Variants in ZSCAN4 observed in about 807,000 individuals in gnomAD.
ZSCAN4 encodes zinc finger and SCAN domain containing 4.
A neutral mutation model predicts 18.3 loss-of-function variants in ZSCAN4; 18 were observed. The ratio of observed to expected loss-of-function variants is 0.98; its 90% CI spans 0.68 to 1.46. The LOEUF (loss-of-function observed/expected upper bound fraction) is 1.46, where lower values mean the gene tolerates loss of function less well. ZSCAN4 is among the 40% of genes most tolerant of loss of function. ZSCAN4 has a pLI of 0.00. For missense variants in ZSCAN4, 498 were observed against 511.4 expected (o/e 0.97, Z 0.25); for synonymous variants, 193 against 180.3 (o/e 1.07, Z -0.57).
At chr19:57,656,460 C>T in the ZSCAN4 span, among the ~76,000 whole-genome samples, 2 of 152,228 alleles carry the variant, frequency 1.3e-5, no homozygotes, top group African/African-American at 4.8e-5. Context: ...CCACATACCC[C>T]AGTTTTTAAA....
the ZSCAN4 span, among the ~76,000 whole-genome samples, chr19:57,658,217 A>T: frequency 6.6e-6 from 1 of 152,222 alleles, no homozygotes; most frequent in Admixed American, 6.5e-5. Context: ...AAGTGAAGGA[A>T]CCAAACTCAG....
intron 2 of ZSCAN4, among the ~76,000 whole-genome samples, chr19:57,671,906 C>T (rs1486717027): frequency 2.0e-5 from 3 of 152,076 alleles, no homozygotes; most frequent in Non-Finnish European, 4.4e-5. Context: ...TTTGTGTGTC[C>T]ACGTATTACT....
At chr19:57,656,088 C>T in the ZSCAN4 span, among the ~76,000 whole-genome samples, 1 of 152,128 alleles carries the variant, frequency 6.6e-6, no homozygotes, top group Non-Finnish European at 1.5e-5. Flanking sequence ...AAGAGCTTTT[C>T]TTAGTACCAA....
At chr19:57,667,616 G>A (rs1381068396), upstream of ZSCAN4, among the ~76,000 whole-genome samples, 2 of 152,196 alleles carry the variant, frequency 1.3e-5, 1 homozygote, top group Non-Finnish European at 2.9e-5. Context: ...TACTCTTACT[G>A]ATATCATCGT....
At chr19:57,671,606 C>T (rs754050507) in intron 2 of ZSCAN4, among the ~76,000 whole-genome samples, 1 of 152,034 alleles carries the variant, frequency 6.6e-6, no homozygotes, top group African/African-American at 2.4e-5. Flanking sequence ...AGGAAAGCCT[C>T]GTAGGACAAG....
At chr19:57,654,168 A>G in the ZSCAN4 span, among the ~76,000 whole-genome samples, 1 of 152,138 alleles carries the variant, frequency 6.6e-6, no homozygotes. Context: ...CTGGCCCCCT[A>G]TTATGTAACC....
At chr19:57,674,878 T>G (rs992737464) in intron 2 of ZSCAN4, among the ~76,000 whole-genome samples, 9 of 152,044 alleles carry the variant, frequency 5.9e-5, no homozygotes, top group Admixed American at 5.9e-4. Context: ...CAATGTTTCA[T>G]AGAGATGATA....
At chr19:57,653,223 G>A in the ZSCAN4 span, among the ~76,000 whole-genome samples, 1 of 151,924 alleles carries the variant, frequency 6.6e-6, no homozygotes, top group African/African-American at 2.4e-5. Context: ...GTGAAACCCT[G>A]CCTCTACTAA....
At chr19:57,661,972 T>C in the ZSCAN4 span, among the ~76,000 whole-genome samples, 1 of 151,468 alleles carries the variant, frequency 6.6e-6, no homozygotes, top group South Asian at 2.1e-4. Context: ...TCCCAGCTAC[T>C]CAGGAGGCTG....
the ZSCAN4 span, among the ~76,000 whole-genome samples, chr19:57,651,733 A>G: frequency 1.3e-5 from 2 of 152,176 alleles, no homozygotes; most frequent in Non-Finnish European, 2.9e-5. Flanking sequence ...AGCTCATCCC[A>G]GGTGAATTCC....
At chr19:57,655,542 G>C in the ZSCAN4 span, among the ~76,000 whole-genome samples, 13 of 152,098 alleles carry the variant, frequency 8.5e-5, no homozygotes, top group African/African-American at 3.1e-4. Flanking sequence ...GCTGGCCTCA[G>C]AAGCTCAAAA....
At chr19:57,662,080 CA>C in the ZSCAN4 span, among the ~76,000 whole-genome samples, 22 of 139,418 alleles carry the variant, frequency 1.6e-4, no homozygotes, top group Admixed American at 2.2e-4. Context: ...GACTCTGTCT[CA>C]AAAAAAAAAA....
upstream of ZSCAN4, among the ~76,000 whole-genome samples, chr19:57,667,347 T>A (rs1370731849): frequency 6.6e-6 from 1 of 152,156 alleles, no homozygotes; most frequent in Non-Finnish European, 1.5e-5. Flanking sequence ...GTCTTTGCCT[T>A]CTTAATGTAG....
chr19:57,676,279 T>C lies in ZSCAN4; in HGVS notation c.134T>C (p.Met45Thr). ...GAAGGGATTTCTGAGTTCTCAAGAA[T>C]GGTGCTCAATTCATTTCAAGACAGC... Residue 45 changes from methionine to threonine, a missense_variant, in exon 3 of 5, where the codon ATG becomes ACG. By Grantham distance (81) the Met-to-Thr change is moderately conservative. Transcript: ENST00000318203. The C allele has an allele frequency of 1.2e-6, 2 of 1,614,170 alleles. No homozygotes were observed. Among genetic ancestry groups the C allele is most frequent in the Non-Finnish European group, 1.7e-6 (2 of 1,180,024 alleles).
At chr19:57,660,031 AG>A in the ZSCAN4 span, among the ~76,000 whole-genome samples, 11 of 152,328 alleles carry the variant, frequency 7.2e-5, no homozygotes, top group African/African-American at 2.6e-4. Context: ...CCCAGCAAAA[AG>A]GTGAGATCAG....
At chr19:57,672,603 T>C (rs1411195712) in intron 2 of ZSCAN4, among the ~76,000 whole-genome samples, 1 of 124,366 alleles carries the variant, frequency 8.0e-6, no homozygotes, top group African/African-American at 3.0e-5. Flanking sequence ...CACATAGTTA[T>C]CTTTTTTTTT....
At chr19:57,656,448 T>C in the ZSCAN4 span, among the ~76,000 whole-genome samples, 6 of 152,220 alleles carry the variant, frequency 3.9e-5, no homozygotes, top group Non-Finnish European at 8.8e-5. Flanking sequence ...TGCTGGTTAT[T>C]ACCACATACC....
At chr19:57,669,129 C>CGGCTCACT (rs1207503360) in exon 1 of ZSCAN4, 2 of 142,700 alleles carry the variant, frequency 1.4e-5, no homozygotes, top group Non-Finnish European at 3.0e-5. Flanking sequence ...GGCGTAATCT[C>CGGCTCACT]GGCTCACTGC....
At chr19:57,670,524 A>G (rs1208416439) in exon 2 of ZSCAN4, 1 of 152,284 alleles carries the variant, frequency 6.6e-6, no homozygotes, top group African/African-American at 2.4e-5. Context: ...CTAGTCACAC[A>G]TCAGCTCAGT....
Sources: allele counts gnomAD v4.1 joint callset (sites outside exome capture counted in the v4.1 genomes callset), GRCh38; gene constraint gnomAD v4.1.1; transcripts MANE v1.5; gene names NCBI Gene and HGNC (gene_info 2026-07-23, HGNC 2026-07-21).